The following ENO4 variants were observed in gnomAD, a reference collection of about 807,000 sequenced individuals.
The protein encoded by ENO4 is enolase 4.
ENO4 carries 53 observed loss-of-function variants against 63.2 expected under a neutral mutation model. That is an observed-to-expected ratio of 0.84 (90% CI 0.67 to 1.05). The LOEUF is 1.05. Among genes scored for constraint, ENO4 ranks in the 50% least tolerant of loss-of-function variants. ENO4 has a pLI of 0.00. For synonymous variants in ENO4, 266 were observed against 283.8 expected (o/e 0.94, Z 0.63); for missense variants, 719 against 772.0 (o/e 0.93, Z 0.81).
At chr10:116,893,772 A>G (rs992621530) in intron 10 of ENO4, among the ~76,000 whole-genome samples, 12 of 152,136 alleles carry the variant, frequency 7.9e-5, no homozygotes, top group Non-Finnish European at 1.5e-4. Flanking sequence ...CAACTAAATT[A>G]ATTTCCAGCT....
chr10:116,874,050 T>G, intron 9 of ENO4, 26 bp from the exon 10 acceptor site: 4 of 1,517,502 alleles, frequency 2.6e-6, no homozygotes, highest in Non-Finnish European at 3.6e-6. Flanking sequence ...TATCCCTTAT[T>G]TTAATATTTT....
At chr10:116,911,243 A>G (rs1369907381) in intron 10 of ENO4, among the ~76,000 whole-genome samples, 1 of 152,220 alleles carries the variant, frequency 6.6e-6, no homozygotes, top group Non-Finnish European at 1.5e-5. Context: ...AGGAAGGGAC[A>G]CAAAGTATGC....
At chr10:116,911,829 T>G, downstream of ENO4, 2 of 1,612,158 alleles carry the variant, frequency 1.2e-6, no homozygotes, top group Non-Finnish European at 1.7e-6. Flanking sequence ...TTTCGCAGCC[T>G]TTCGAAGATT....
At position 116,871,225 on chromosome 10, in the gene ENO4, T is replaced by C; in HGVS notation, c.1148T>C (p.Leu383Pro). The C allele has an allele frequency of 3.2e-6, 5 of 1,550,488 alleles. No homozygotes were observed. The highest frequency in any genetic ancestry group is 4.4e-6 in the Non-Finnish European group (5 of 1,146,972). Reference protein sequence around the residue: ...LLLIQEICANLGLELGTNLHL... With the variant: ...LLLIQEICANPGLELGTNLHL... Reference sequence around the variant, plus strand: ...CTAATACAGGAAATCTGTGCCAACCTGGGGCTAGAACTGGGAACAAATCTG... The same window carrying C: ...CTAATACAGGAAATCTGTGCCAACCCGGGGCTAGAACTGGGAACAAATCTG... Residue 383 changes from leucine (L) to proline (P), a missense_variant, in exon 9 of 14, where the codon CTG becomes CCG. By Grantham distance (98) the Leu-to-Pro change is moderately conservative (BLOSUM62 -3). This residue lies in a region of ENO4 where 544 missense variants were observed against 583.6 expected (regional missense o/e 0.93). Transcript: ENST00000341276.
chr10:116,862,991 C>T lies in ENO4; in HGVS notation c.990+139C>T, dbSNP rs1470319843. ...ATTGGCTTTGGGTTTCCCCCAAGAA[C>T]CAAGTGTATCCATGTCCTCAGTGGC... On this transcript the variant is annotated intron_variant, in intron 7 of 13. Coordinates refer to ENST00000341276, the MANE Select transcript of ENO4 (RefSeq NM_001242699.2). 3 of 654,438 alleles carry T rather than the reference C, an allele frequency of 4.6e-6. No individual in the cohort carries two copies. The Admixed American group carries it at 7.0e-5, about 15-fold the overall frequency. The allele number at this position is 654,438 out of a possible 1,614,324, so 40.5% of individuals were successfully genotyped here.
intron 10 of ENO4, chr10:116,900,840 G>A: frequency 1.5e-5 from 15 of 985,282 alleles, no homozygotes; most frequent in Non-Finnish European, 1.8e-5. Context: ...AGCAAAGAAG[G>A]CCATTCATTC....
chr10:116,903,620 C>T (rs1847840119), intron 10 of ENO4, among the ~76,000 whole-genome samples: 1 of 152,080 alleles, frequency 6.6e-6, no homozygotes, highest in Non-Finnish European at 1.5e-5. Context: ...ACAGAAAGAT[C>T]AATTAATTTT....
chr10:116,882,924 A>T (rs1457344403), downstream of ENO4: 2 of 151,886 alleles, frequency 1.3e-5, no homozygotes, highest in Non-Finnish European at 2.9e-5. Flanking sequence ...ATTCATTTGA[A>T]AGGCAGAACA....
chr10:116,851,137 AT>A (rs369569580), intron 1 of ENO4, among the ~76,000 whole-genome samples: 35 of 152,324 alleles, frequency 2.3e-4, no homozygotes, highest in Middle Eastern at 3.4e-3. Context: ...CAGTATAATG[AT>A]CTTCTTATTC....
At chr10:116,865,870 C>T (rs1846536473) in intron 7 of ENO4, among the ~76,000 whole-genome samples, 1 of 152,242 alleles carries the variant, frequency 6.6e-6, no homozygotes, top group African/African-American at 2.4e-5. Flanking sequence ...GGGGCTCCCT[C>T]TTCCTGGAAT....
chr10:116,906,082 G>A (rs1014142659), intron 10 of ENO4, among the ~76,000 whole-genome samples: 3 of 152,256 alleles, frequency 2.0e-5, no homozygotes, highest in Admixed American at 2.0e-4. Context: ...TGTAACTGAT[G>A]TGTAATTTCT....
intron 1 of ENO4, among the ~76,000 whole-genome samples, chr10:116,854,714 G>A (rs376243841): frequency 2.8e-4 from 42 of 151,920 alleles, no homozygotes; most frequent in Middle Eastern, 3.4e-3. Context: ...AGGCTGAGGC[G>A]GAAGGATTGC....
chr10:116,858,662 C>T (rs1222717353), intron 3 of ENO4, among the ~76,000 whole-genome samples: 2 of 152,030 alleles, frequency 1.3e-5, no homozygotes, highest in African/African-American at 4.8e-5. Flanking sequence ...GTCATTTATA[C>T]AAAAAGAAAA....
At chr10:116,907,777 A>G in intron 10 of ENO4, 1 of 455,524 alleles carries the variant, frequency 2.2e-6, no homozygotes, top group South Asian at 1.6e-5. Flanking sequence ...AAGAACCTCA[A>G]GTCTGGTATA....
chr10:116,855,191 G>T (rs779388623), intron 1 of ENO4, among the ~76,000 whole-genome samples: 1 of 152,130 alleles, frequency 6.6e-6, no homozygotes, highest in Non-Finnish European at 1.5e-5. Context: ...TACTCGGGAG[G>T]CTGAGGCAGG....
chr10:116,867,872 A>G (rs1197426987), intron 7 of ENO4, among the ~76,000 whole-genome samples: 3 of 152,154 alleles, frequency 2.0e-5, no homozygotes, highest in Non-Finnish European at 4.4e-5. Context: ...GGAGCCAGTA[A>G]TCACTATTGT....
intron 11 of ENO4, among the ~76,000 whole-genome samples, chr10:116,879,013 G>T (rs1464468319): frequency 6.6e-6 from 1 of 152,060 alleles, no homozygotes; most frequent in Non-Finnish European, 1.5e-5. Flanking sequence ...AAAGTGCTGG[G>T]ATTACAGGAG....
Position 116,860,712 on chromosome 10 carries a change from A to G in ENO4, c.635-82A>G, listed in dbSNP as rs569105757. On this transcript the variant is annotated intron_variant, in intron 4 of 13. Coordinates refer to ENST00000341276, the MANE Select transcript of ENO4 (RefSeq NM_001242699.2). Reference sequence around the variant, plus strand: ...TTTGTTGTTCCCAGCCTCGGCTTTCATCCTTTCTTTTTCCTGGGTCTTTCC... The same window carrying G: ...TTTGTTGTTCCCAGCCTCGGCTTTCGTCCTTTCTTTTTCCTGGGTCTTTCC... The G allele has an allele frequency of 2.3e-3, 2,507 of 1,094,836 alleles. 5 individuals carry two copies. Among genetic ancestry groups the G allele is most frequent in the Non-Finnish European group, 2.7e-3 (2,292 of 839,216 alleles). The allele number at this position is 1,094,836 out of a possible 1,614,324, so 67.8% of individuals were successfully genotyped here. A position where few individuals can be genotyped will look rare whatever the true frequency, so the allele number is the denominator to read the frequency against.
At chr10:116,888,565 G>T (rs1847235969) in intron 10 of ENO4, among the ~76,000 whole-genome samples, 1 of 152,180 alleles carries the variant, frequency 6.6e-6, no homozygotes, top group Admixed American at 6.5e-5. Flanking sequence ...TCTCTCACAA[G>T]CACCAATCTT....
Sources: gnomAD v4.1 joint callset for allele counts (sites outside exome capture counted in the v4.1 genomes callset) on GRCh38, gnomAD v4.1.1 for gene constraint, gnomAD v4.1.1 regional missense constraint, MANE v1.5 for transcripts, NCBI Gene and HGNC (gene_info 2026-07-23, HGNC 2026-07-21) for gene names.